Variants in MLIP observed in about 807,000 individuals in gnomAD.
MLIP encodes muscular LMNA interacting protein.
A neutral mutation model predicts 84.8 loss-of-function variants in MLIP; 79 were observed. The ratio of observed to expected loss-of-function variants is 0.93; its 90% CI spans 0.78 to 1.12. The LOEUF is 1.12. Among genes scored for constraint, MLIP ranks in the 50% most tolerant of loss-of-function variants. The probability of loss-of-function intolerance (pLI) is 0.00; values close to 1 mark genes in which losing one functional copy is unlikely to be tolerated. For synonymous variants in MLIP, 504 were observed against 463.0 expected (o/e 1.09, Z -1.14); for missense variants, 1,257 against 1,160.6 (o/e 1.08, Z -1.21).
chr6:54,215,347 T>A, intron 11 of MLIP: 1 of 1,317,596 alleles, frequency 7.6e-7, no homozygotes, highest in East Asian at 2.9e-5. Flanking sequence ...TTACTGAACT[T>A]CAATTTTATC....
Position 54,143,217 on chromosome 6 carries a change from CTT to C in MLIP, c.2217+4947_2217+4948del, listed in dbSNP as rs35374553. Among the ~76,000 whole-genome samples the C allele has an allele frequency of 9.4e-3, 1,246 of 132,426 alleles. 21 individuals carry two copies. Among genetic ancestry groups the C allele is most frequent in the African/African-American group, 0.032 (1,134 of 35,118 alleles). 86.9% of individuals were successfully genotyped at this position (132,426 alleles called of 152,430 possible). A position where few individuals can be genotyped will look rare whatever the true frequency, so the allele number is the denominator to read the frequency against. On this transcript the variant is annotated intron_variant, in intron 4 of 13. Coordinates refer to ENST00000502396, the MANE Select transcript of MLIP (RefSeq NM_001281747.2). Reference sequence around the variant, plus strand: ...ACCCCGCACTCCCTGGGGGGATTTGCTTTTTTTTTTTTTTTTTGAGGTGTAGT... The same window carrying C: ...ACCCCGCACTCCCTGGGGGGATTTGCTTTTTTTTTTTTTTTGAGGTGTAGT...
At chr6:54,109,379 C>A (rs911324194), upstream of MLIP, among the ~76,000 whole-genome samples, 9 of 152,098 alleles carry the variant, frequency 5.9e-5, no homozygotes, top group Non-Finnish European at 1.3e-4. Flanking sequence ...GTAATCCTCA[C>A]AAGAACTCTG....
At chr6:54,132,729 A>G (rs777777318) in intron 3 of MLIP, among the ~76,000 whole-genome samples, 2 of 152,178 alleles carry the variant, frequency 1.3e-5, no homozygotes, top group Non-Finnish European at 2.9e-5. Context: ...GAGACTATAG[A>G]CATTGAACTT....
chr6:54,093,796 A>C (rs2150376303), intron 1 of MLIP, among the ~76,000 whole-genome samples: 1 of 152,284 alleles, frequency 6.6e-6, no homozygotes, highest in South Asian at 2.1e-4. Context: ...AGGCACACCT[A>C]TTTCTTTGCA....
intron 1 of MLIP, among the ~76,000 whole-genome samples, chr6:54,098,159 T>C (rs1283561777): frequency 6.7e-6 from 1 of 148,648 alleles, no homozygotes; most frequent in East Asian, 1.9e-4. Context: ...TTTTTTTTTT[T>C]TTTTTTTTTT....
chr6:54,021,522 T>G (rs1763499111), intron 1 of MLIP, among the ~76,000 whole-genome samples: 1 of 152,170 alleles, frequency 6.6e-6, no homozygotes. Context: ...ATTCATCAGT[T>G]TATTACACAC....
chr6:54,169,258 A>G (rs1229619634), intron 8 of MLIP, among the ~76,000 whole-genome samples: 1 of 151,814 alleles, frequency 6.6e-6, no homozygotes, highest in Admixed American at 6.6e-5. Flanking sequence ...GGCAAAAATT[A>G]TGGAAGAAAC....
At chr6:54,019,853 G>A (rs557293479) in intron 1 of MLIP, among the ~76,000 whole-genome samples, 1 of 152,256 alleles carries the variant, frequency 6.6e-6, no homozygotes, top group African/African-American at 2.4e-5. Context: ...TGAAGTTGAG[G>A]TTTATGGACT....
intron 1 of MLIP, among the ~76,000 whole-genome samples, chr6:54,067,535 A>T (rs1736656084): frequency 9.9e-6 from 1 of 101,418 alleles, no homozygotes; most frequent in African/African-American, 2.5e-5. Flanking sequence ...TAAAAGTTTC[A>T]CTTCTTTAGA....
rs1363400411 is a variant in MLIP at position 54,124,885 on chromosome 6, T to C, written c.645+20T>C. 6.5e-7 allele frequency: 1 copy of C among 1,540,866 alleles called. No individual in the cohort carries two copies. Among genetic ancestry groups the C allele is most frequent in the Admixed American group, 2.1e-5 (1 of 47,108 alleles). On this transcript the variant is annotated intron_variant, in intron 3 of 13. Coordinates refer to ENST00000502396, the MANE Select transcript of MLIP (RefSeq NM_001281747.2). ...GGGCAGGTAGGTTTTGTGTTCCTGCTGTCCATAAGGAAAAAAAAAGCGTTT... is the reference window on the plus strand; with the variant it reads ...GGGCAGGTAGGTTTTGTGTTCCTGCCGTCCATAAGGAAAAAAAAAGCGTTT...
At chr6:54,180,648 A>G (rs1776759844) in intron 9 of MLIP, among the ~76,000 whole-genome samples, 3 of 152,270 alleles carry the variant, frequency 2.0e-5, no homozygotes, top group African/African-American at 2.4e-5. Flanking sequence ...CAGTATGCCA[A>G]TTGCATTTTG....
At chr6:54,153,493 A>G (rs1773680127) in intron 5 of MLIP, among the ~76,000 whole-genome samples, 2 of 152,092 alleles carry the variant, frequency 1.3e-5, no homozygotes, top group South Asian at 4.1e-4. Context: ...TTTTTAAAGC[A>G]TGAGTTGCTA....
intron 11 of MLIP, among the ~76,000 whole-genome samples, chr6:54,227,122 T>G (rs2150789592): frequency 6.6e-6 from 1 of 152,280 alleles, no homozygotes; most frequent in Admixed American, 6.5e-5. Context: ...TGTGTAGCAA[T>G]TCCCCTTCAC....
At chr6:54,197,845 C>G (rs1045786276) in intron 10 of MLIP, among the ~76,000 whole-genome samples, 1 of 152,104 alleles carries the variant, frequency 6.6e-6, no homozygotes, top group African/African-American at 2.4e-5. Context: ...CTTGATAGAT[C>G]TAATTTCCTC....
At chr6:54,265,469 G>A (rs562920526) in intron 13 of MLIP, among the ~76,000 whole-genome samples, 2 of 152,218 alleles carry the variant, frequency 1.3e-5, no homozygotes, top group Non-Finnish European at 2.9e-5. Context: ...AGGTTATTTG[G>A]TCTTGGTCTT....
chr6:54,261,692 C>A, intron 13 of MLIP: 1 of 985,152 alleles, frequency 1.0e-6, no homozygotes, highest in Non-Finnish European at 1.2e-6. Flanking sequence ...ATTCCTCTGA[C>A]TTTATCCTCT....
chr6:54,221,668 T>C (rs906071196), intron 11 of MLIP, among the ~76,000 whole-genome samples: 5 of 151,854 alleles, frequency 3.3e-5, no homozygotes, highest in Admixed American at 2.6e-4. Flanking sequence ...AGTGAAAATA[T>C]ATTATTGGTA....
At chr6:54,092,408 T>C (rs1250157259) in intron 1 of MLIP, among the ~76,000 whole-genome samples, 1 of 152,188 alleles carries the variant, frequency 6.6e-6, no homozygotes, top group East Asian at 1.9e-4. Context: ...TTCAAATCAT[T>C]TCACAGTAGT....
chr6:54,241,656 T>C (rs1409007842), intron 12 of MLIP, among the ~76,000 whole-genome samples: 1 of 152,216 alleles, frequency 6.6e-6, no homozygotes, highest in African/African-American at 2.4e-5. Flanking sequence ...TTATTTATAT[T>C]AGAACTATGT....
Sources: gnomAD v4.1 joint callset for allele counts (sites outside exome capture counted in the v4.1 genomes callset) on GRCh38, gnomAD v4.1.1 for gene constraint, MANE v1.5 for transcripts, NCBI Gene and HGNC (gene_info 2026-07-23, HGNC 2026-07-21) for gene names.